Variants in ZNF10 observed in about 807,000 individuals in gnomAD.
ZNF10 encodes the protein zinc finger protein 10 (KOX 1).
Under a neutral mutation model 12.2 loss-of-function variants are expected in ZNF10, and 8 were observed. The observed-to-expected ratio is 0.66, with a 90% confidence interval of 0.39 to 1.18. ZNF10 has a LOEUF of 1.18. Among genes scored for constraint, ZNF10 ranks in the 50% most tolerant of loss-of-function variants. ZNF10 has a pLI of 0.01. For missense variants in ZNF10, 603 were observed against 678.9 expected, an observed-to-expected ratio of 0.89 and a Z score of 1.24; for synonymous variants, 229 against 228.2, an observed-to-expected ratio of 1.00 and a Z score of -0.03.
At chr12:133,150,399 T>C (rs981544733) in intron 2 of ZNF10, among the ~76,000 whole-genome samples, 2 of 152,240 alleles carry the variant, frequency 1.3e-5, no homozygotes, top group Non-Finnish European at 2.9e-5. Flanking sequence ...TTCCACTGTC[T>C]TCTGACCTTT....
chr12:133,140,458 A>G (rs1349023783), intron 1 of ZNF10, among the ~76,000 whole-genome samples: 1 of 143,230 alleles, frequency 7.0e-6, no homozygotes, highest in East Asian at 2.0e-4. Context: ...AATAAGTCTT[A>G]CCACGTGTCA....
intron 1 of ZNF10, among the ~76,000 whole-genome samples, chr12:133,139,755 C>G (rs1955933785): frequency 6.6e-6 from 1 of 152,080 alleles, no homozygotes; most frequent in Non-Finnish European, 1.5e-5. Flanking sequence ...TAGAAAGACA[C>G]TTGCTGGTTG....
At chr12:133,142,677 A>T (rs1955952987) in intron 1 of ZNF10, among the ~76,000 whole-genome samples, 2 of 151,306 alleles carry the variant, frequency 1.3e-5, no homozygotes, top group African/African-American at 2.4e-5. Context: ...GGCTGTAATT[A>T]AAAAAAAATA....
At chr12:133,142,554 C>T (rs1454399325) in intron 1 of ZNF10, among the ~76,000 whole-genome samples, 1 of 151,998 alleles carries the variant, frequency 6.6e-6, no homozygotes, top group African/African-American at 2.4e-5. Flanking sequence ...CTTGACATTC[C>T]TGTAAAGAAG....
At chr12:133,138,816 A>G (rs1955927874) in intron 1 of ZNF10, among the ~76,000 whole-genome samples, 1 of 152,148 alleles carries the variant, frequency 6.6e-6, no homozygotes, top group South Asian at 2.1e-4. Context: ...GGCATATTGT[A>G]AGTATTCAGT....
intron 4 of ZNF10, 135 bp downstream of exon 4, chr12:133,152,039 TTTCCC>T: frequency 1.6e-6 from 1 of 625,210 alleles, no homozygotes. Flanking sequence ...CTGGCCCCTG[TTTCCC>T]CACTGCCAGT....
At chr12:133,155,377 A>G (rs1593847871) in intron 4 of ZNF10, 126 bp from the exon 5 acceptor site, 6 of 1,027,432 alleles carry the variant, frequency 5.8e-6, no homozygotes, top group Non-Finnish European at 8.2e-6. Context: ...CTCATTCTCT[A>G]TCAAAGTTAT....
At chr12:133,131,180 C>T (rs1234449098) in intron 1 of ZNF10, among the ~76,000 whole-genome samples, 1 of 151,174 alleles carries the variant, frequency 6.6e-6, no homozygotes, top group Non-Finnish European at 1.5e-5. Context: ...AAAAACAAAT[C>T]CTGCATCTCT....
At chr12:133,136,191 C>T (rs775118486) in intron 1 of ZNF10, among the ~76,000 whole-genome samples, 28 of 152,042 alleles carry the variant, frequency 1.8e-4, no homozygotes, top group Admixed American at 1.2e-3. Flanking sequence ...ATCCTTCCCC[C>T]CTTCTCTCTC....
Position 133,156,780 on chromosome 12 carries a change from G to A in ZNF10, c.1534G>A (p.Val512Ile), listed in dbSNP as rs776082750. Reference protein sequence around the residue: ...NDLIKHQRIHVGEETYKCNQC... With the variant: ...NDLIKHQRIHIGEETYKCNQC... Reference sequence around the variant, plus strand: ...CCTCATTAAGCACCAGAGAATTCATGTTGGAGAAGAGACCTATAAATGTAA... The same window carrying A: ...CCTCATTAAGCACCAGAGAATTCATATTGGAGAAGAGACCTATAAATGTAA... Residue 512 changes from valine (V) to isoleucine (I), a missense_variant, in exon 5 of 5, where the codon GTT becomes ATT. Transcript: ENST00000248211. The A allele has an allele frequency of 1.3e-6, 2 of 1,584,862 alleles. No individual in the cohort carries two copies. The highest frequency in any genetic ancestry group is 2.3e-5 in the South Asian group (2 of 85,860).
In ZNF10 at chr12:133,158,738, ATCTC is replaced by A. The variant is rs1447419347; in HGVS notation, c.*1776_*1779del. 1 of 152,172 alleles carries A rather than the reference ATCTC, an allele frequency of 6.6e-6. No individual in the cohort carries two copies. Among genetic ancestry groups the A allele is most frequent in the Non-Finnish European group, 1.5e-5 (1 of 68,038 alleles). 9.4% of individuals were successfully genotyped at this position (152,172 alleles called of 1,614,324 possible). On this transcript the variant is annotated 3_prime_UTR_variant, in exon 5 of 5. Transcript: ENST00000248211. ...TTGCTGAAGCCAACCAGAGATCTTG[ATCTC>A]TCTCTGAGGAAAAAACCTAGAAATG... is the stretch of plus-strand genomic sequence containing the variant.
intron 1 of ZNF10, among the ~76,000 whole-genome samples, chr12:133,138,012 T>C (rs1955922245): frequency 6.6e-6 from 1 of 151,186 alleles, no homozygotes; most frequent in Admixed American, 6.6e-5. Context: ...TTCTCAACCT[T>C]AGCTATACAT....
In ZNF10 at chr12:133,156,800, A is replaced by G. The variant is rs764414673; in HGVS notation, c.1554A>G (p.Lys518=). ...QRIHVGEETY[K]CNQCGIIFSQ... Reference sequence around the variant, plus strand: ...TTCATGTTGGAGAAGAGACCTATAAATGTAATCAATGTGGCATTATCTTCA... The same window carrying G: ...TTCATGTTGGAGAAGAGACCTATAAGTGTAATCAATGTGGCATTATCTTCA... The change falls in exon 5 of 5, where the codon AAA becomes AAG. Residue 518 remains lysine, a synonymous_variant. Coordinates refer to ENST00000248211, the MANE Select transcript of ZNF10 (RefSeq NM_015394.5). 2 of 1,559,130 alleles carry G rather than the reference A, an allele frequency of 1.3e-6. No individual in the cohort carries two copies. Among genetic ancestry groups the G allele is most frequent in the South Asian group, 2.5e-5 (2 of 81,034 alleles).
intron 4 of ZNF10, among the ~76,000 whole-genome samples, chr12:133,154,397 G>A (rs532825434): frequency 6.6e-6 from 1 of 152,082 alleles, no homozygotes; most frequent in Non-Finnish European, 1.5e-5. Flanking sequence ...AAGTCCTTAT[G>A]TTTCAGAGCG....
chr12:133,147,741 G>A (rs910767628), intron 2 of ZNF10, among the ~76,000 whole-genome samples: 16 of 149,496 alleles, frequency 1.1e-4, no homozygotes, highest in Admixed American at 1.0e-3. Context: ...TTAGCCTCCC[G>A]AGTAGCTGGG....
At position 133,155,606 on chromosome 12, in the gene ZNF10, T is replaced by A. The variant is rs1374376436; in HGVS notation, c.360T>A (p.Asp120Glu). The change falls in exon 5 of 5, where the codon GAT (aspartate) becomes GAA (glutamate). Residue 120 changes from aspartate (D) to glutamate (E), a missense_variant. Physicochemically the swap from Asp to Glu is conservative, Grantham distance 45 (BLOSUM62 2). Transcript: ENST00000248211. The part of the protein sequence containing the change: ...DIKMEGMARN[D>E]LWYLSLEEVW... Reference sequence around the variant, plus strand: ...AAATGGAAGGAATGGCAAGGAATGATCTCTGGTATTTGTCATTAGAAGAAG... The same window carrying A: ...AAATGGAAGGAATGGCAAGGAATGAACTCTGGTATTTGTCATTAGAAGAAG... 2 of 1,614,022 alleles carry A rather than the reference T, an allele frequency of 1.2e-6. No individual in the cohort carries two copies.
intron 2 of ZNF10, among the ~76,000 whole-genome samples, chr12:133,145,780 G>A (rs555565432): frequency 9.2e-4 from 139 of 151,834 alleles, no homozygotes; most frequent in African/African-American, 3.1e-3. Context: ...ACTCCAGCCC[G>A]CGTGTCAGAG....
chr12:133,153,835 G>A (rs1396391709), intron 4 of ZNF10, among the ~76,000 whole-genome samples: 1 of 152,166 alleles, frequency 6.6e-6, no homozygotes, highest in African/African-American at 2.4e-5. Flanking sequence ...GCTCTGCTAC[G>A]CTTCTAGGAG....
chr12:133,150,362 T>A (rs917748172), intron 2 of ZNF10, among the ~76,000 whole-genome samples: 3 of 152,220 alleles, frequency 2.0e-5, no homozygotes, highest in Non-Finnish European at 4.4e-5. Flanking sequence ...GTCTGTTCTT[T>A]CAACATTTAA....
Sources: allele counts gnomAD v4.1 joint callset (sites outside exome capture counted in the v4.1 genomes callset), GRCh38; gene constraint gnomAD v4.1.1; transcripts MANE v1.5; gene names NCBI Gene and HGNC (gene_info 2026-07-23, HGNC 2026-07-21).